Variants in CCDC91 observed in about 807,000 individuals in gnomAD.
CCDC91 encodes coiled-coil domain containing 91.
CCDC91 carries 48 observed loss-of-function variants against 63.2 expected under a neutral mutation model. The observed-to-expected ratio is 0.76, with a 90% CI of 0.60 to 0.97. The LOEUF is 0.97. CCDC91 is among the 50% of genes least tolerant of loss of function. The pLI is 0.00. For missense variants in CCDC91, 500 were observed against 494.6 expected (o/e 1.01, Z -0.10); for synonymous variants, 167 against 165.8 (o/e 1.01, Z -0.06).
intron 3 of CCDC91, among the ~76,000 whole-genome samples, chr12:28,264,439 TA>T (rs1947040252): frequency 6.7e-6 from 1 of 149,954 alleles, no homozygotes; most frequent in Non-Finnish European, 1.5e-5. Flanking sequence ...TAAATGTTCA[TA>T]AGGCTAGTAA....
chr12:28,469,439 A>G (rs763823666), intron 11 of CCDC91, among the ~76,000 whole-genome samples: 3 of 152,130 alleles, frequency 2.0e-5, no homozygotes, highest in Non-Finnish European at 4.4e-5. Context: ...ATTGAAGAGG[A>G]CACCAAAAAA....
At chr12:28,391,502 A>G (rs1337550473) in intron 8 of CCDC91, 91 bp downstream of exon 8, 3 of 680,314 alleles carry the variant, frequency 4.4e-6, no homozygotes, top group African/African-American at 1.9e-5. Flanking sequence ...GTTCTGTTCC[A>G]TTTACTTGGT....
chr12:28,360,002 A>C (rs1323318492), intron 6 of CCDC91, among the ~76,000 whole-genome samples: 1 of 152,184 alleles, frequency 6.6e-6, no homozygotes, highest in Non-Finnish European at 1.5e-5. Flanking sequence ...TTTCTTAAAC[A>C]GGTTAATGGA....
intron 12 of CCDC91, among the ~76,000 whole-genome samples, chr12:28,540,868 C>T (rs76525859): frequency 0.021 from 3,174 of 152,170 alleles, 46 homozygotes; most frequent in Middle Eastern, 0.071. Context: ...CAGCTGCCAT[C>T]TCATTAGGCA....
intron 8 of CCDC91, among the ~76,000 whole-genome samples, chr12:28,421,709 G>T (rs75485093): frequency 0.013 from 1,936 of 152,104 alleles, 48 homozygotes; most frequent in African/African-American, 0.044. Flanking sequence ...CCTCAACACT[G>T]TAACATAGAA....
chr12:28,443,423 A>G (rs1949335819), intron 8 of CCDC91, among the ~76,000 whole-genome samples: 2 of 152,076 alleles, frequency 1.3e-5, no homozygotes, highest in South Asian at 4.1e-4. Context: ...AGCAAATAAA[A>G]GAGGCTATAT....
intron 3 of CCDC91, among the ~76,000 whole-genome samples, chr12:28,297,940 C>A (rs547585246): frequency 2.0e-5 from 3 of 151,698 alleles, no homozygotes; most frequent in Non-Finnish European, 4.4e-5. Flanking sequence ...TGTCTATATA[C>A]GTGGACAATA....
chr12:28,390,397 T>A (rs1380845064), intron 7 of CCDC91, among the ~76,000 whole-genome samples: 1 of 152,008 alleles, frequency 6.6e-6, no homozygotes, highest in Non-Finnish European at 1.5e-5. Flanking sequence ...AACAGACATC[T>A]AAAAATAGAA....
intron 6 of CCDC91, among the ~76,000 whole-genome samples, chr12:28,345,667 T>C (rs1214363812): frequency 1.3e-5 from 2 of 152,150 alleles, no homozygotes; most frequent in African/African-American, 4.8e-5. Flanking sequence ...TCCTTTCTCC[T>C]TCCTGCCATT....
At chr12:28,363,733 C>T (rs1469897608) in intron 7 of CCDC91, among the ~76,000 whole-genome samples, 13 of 151,576 alleles carry the variant, frequency 8.6e-5, no homozygotes, top group Non-Finnish European at 2.9e-5. Context: ...AAAAATTAGC[C>T]GGGCATGGTG....
intron 8 of CCDC91, among the ~76,000 whole-genome samples, chr12:28,414,304 A>G (rs1446306450): frequency 6.6e-6 from 1 of 152,194 alleles, no homozygotes; most frequent in Non-Finnish European, 1.5e-5. Flanking sequence ...ATAGACAACA[A>G]GTCAGATAGT....
intron 3 of CCDC91, among the ~76,000 whole-genome samples, chr12:28,263,011 C>T (rs183842280): frequency 1.3e-5 from 2 of 152,094 alleles, no homozygotes; most frequent in East Asian, 3.9e-4. Flanking sequence ...CTGTGATACA[C>T]ATAGTGTTCC....
intron 6 of CCDC91, among the ~76,000 whole-genome samples, chr12:28,359,478 G>A (rs75884282): frequency 0.011 from 1,618 of 152,080 alleles, 37 homozygotes; most frequent in African/African-American, 0.037. Flanking sequence ...TTAGTAATAG[G>A]TATTGTCAAG....
intron 6 of CCDC91, among the ~76,000 whole-genome samples, chr12:28,323,629 G>A (rs1389360026): frequency 6.6e-6 from 1 of 151,782 alleles, no homozygotes; most frequent in East Asian, 1.9e-4. Context: ...TTTAATCAAG[G>A]TTTTAAACCC....
At chr12:28,458,377 A>G (rs1258247139) in intron 11 of CCDC91, among the ~76,000 whole-genome samples, 1 of 149,852 alleles carries the variant, frequency 6.7e-6, no homozygotes, top group Non-Finnish European at 1.5e-5. Flanking sequence ...GATGTCTGTA[A>G]TACAACATCT....
At chr12:28,243,687 G>C (rs1318903700) in intron 1 of CCDC91, among the ~76,000 whole-genome samples, 2 of 152,060 alleles carry the variant, frequency 1.3e-5, no homozygotes, top group Non-Finnish European at 2.9e-5. Flanking sequence ...AGGAAAATGA[G>C]AATACTGTTA....
intron 12 of CCDC91, among the ~76,000 whole-genome samples, chr12:28,523,401 G>C (rs1940931106): frequency 6.6e-6 from 1 of 151,984 alleles, no homozygotes. Context: ...TGCAACCCCT[G>C]CCTTTTTTTG....
chr12:28,256,187 G>C (rs1565680527), intron 1 of CCDC91: 1 of 152,078 alleles, frequency 6.6e-6, no homozygotes, highest in Non-Finnish European at 1.5e-5. Flanking sequence ...CTCCTGTCAT[G>C]GGGGTTTGTT....
intron 12 of CCDC91, among the ~76,000 whole-genome samples, chr12:28,538,312 T>C (rs925292391): frequency 1.5e-5 from 2 of 136,424 alleles, no homozygotes; most frequent in African/African-American, 5.5e-5. Flanking sequence ...TGTGTCCAAG[T>C]GCTCTCATTG....
Sources: gnomAD v4.1 joint callset for allele counts (sites outside exome capture counted in the v4.1 genomes callset) on GRCh38, gnomAD v4.1.1 for gene constraint, MANE v1.5 for transcripts, NCBI Gene and HGNC (gene_info 2026-07-23, HGNC 2026-07-21) for gene names.